The following DPP10 variants were observed in gnomAD, a reference collection of about 807,000 sequenced individuals.
DPP10 encodes dipeptidyl peptidase like 10.
In DPP10, 33 loss-of-function variants were observed where a neutral mutation model predicts 120.9. The observed-to-expected ratio is 0.27, with a 90% CI of 0.21 to 0.37. DPP10 has a LOEUF of 0.37. Ranked by LOEUF, DPP10 falls within the 10% of genes least tolerant of loss-of-function variation. DPP10 has a pLI of 1.00. For missense variants in DPP10, 816 were observed against 942.8 expected (o/e 0.87, Z 1.76); for synonymous variants, 337 against 326.1 (o/e 1.03, Z -0.36).
chr2:114,849,846 C>T (rs1367353095), intron 1 of DPP10, among the ~76,000 whole-genome samples: 1 of 152,042 alleles, frequency 6.6e-6, no homozygotes, highest in Non-Finnish European at 1.5e-5. Flanking sequence ...ACAATTTTTG[C>T]CTTACCACAC....
chr2:114,448,517 C>T (rs948830179), intron 1 of DPP10, among the ~76,000 whole-genome samples: 1 of 152,126 alleles, frequency 6.6e-6, no homozygotes, highest in Non-Finnish European at 1.5e-5. Context: ...ATCAGCATCT[C>T]CTGTGAACTC....
At chr2:114,504,551 C>T (rs932781646) in intron 1 of DPP10, among the ~76,000 whole-genome samples, 2 of 151,954 alleles carry the variant, frequency 1.3e-5, no homozygotes, top group African/African-American at 4.8e-5. Flanking sequence ...CCTCTTCTTC[C>T]TCCTTTTTAT....
Position 115,510,035 on chromosome 2 carries a change from C to T in DPP10, c.366+10431C>T, listed in dbSNP as rs926241420. ...AGAAATGTCTGTTCAAATTCTTTGCCCATTTTTTATTGAGCTCTTTTCAAT... is the reference window on the plus strand; with the variant it reads ...AGAAATGTCTGTTCAAATTCTTTGCTCATTTTTTATTGAGCTCTTTTCAAT... On this transcript the variant is annotated intron_variant, in intron 4 of 25. Coordinates refer to ENST00000410059, the MANE Select transcript of DPP10 (RefSeq NM_020868.6). 2.0e-5 allele frequency among the ~76,000 whole-genome samples: 3 copies of T among 151,828 alleles called. No individual in the cohort carries two copies. The South Asian group carries it at 6.2e-4, about 32-fold the overall frequency.
chr2:115,778,328 G>T (rs551569120), intron 15 of DPP10, among the ~76,000 whole-genome samples: 21 of 151,922 alleles, frequency 1.4e-4, no homozygotes, highest in Non-Finnish European at 2.6e-4. Context: ...GCAGGAGGAG[G>T]CATCCTTATT....
intron 1 of DPP10, among the ~76,000 whole-genome samples, chr2:115,221,240 A>G (rs1031829061): frequency 1.3e-5 from 2 of 152,138 alleles, no homozygotes; most frequent in Non-Finnish European, 2.9e-5. Flanking sequence ...ATTCATGCAT[A>G]GATGTATTGA....
At chr2:114,672,955 C>T (rs1041565263) in intron 1 of DPP10, among the ~76,000 whole-genome samples, 1 of 152,132 alleles carries the variant, frequency 6.6e-6, no homozygotes, top group African/African-American at 2.4e-5. Flanking sequence ...GTGTCTCCCC[C>T]ATGTTCTAAG....
intron 1 of DPP10, among the ~76,000 whole-genome samples, chr2:115,288,695 C>T (rs1482609417): frequency 6.6e-6 from 1 of 151,896 alleles, no homozygotes; most frequent in Non-Finnish European, 1.5e-5. Flanking sequence ...GCACTCCATC[C>T]TTAGTGACAA....
At chr2:114,846,668 C>T (rs1419892006) in intron 1 of DPP10, among the ~76,000 whole-genome samples, 1 of 152,010 alleles carries the variant, frequency 6.6e-6, no homozygotes, top group Non-Finnish European at 1.5e-5. Flanking sequence ...AAGAATCTGA[C>T]TGTAGCTGAC....
rs550100167 is a variant in DPP10 at position 114,480,601 on chromosome 2, G to C, written c.60+37763G>C. On this transcript the variant is annotated intron_variant, in intron 1 of 25. Coordinates refer to ENST00000410059, the MANE Select transcript of DPP10 (RefSeq NM_020868.6). ...AAACCATCATTCTCAGCAAACTATC[G>C]CAAGGACAAAAAACCAAACACCACA... Among the ~76,000 whole-genome samples the C allele has an allele frequency of 4.0e-5, 6 of 150,242 alleles. No homozygotes were observed. In the East Asian group the frequency reaches 7.9e-4, roughly 20 times the overall value.
At position 115,746,127 on chromosome 2, in the gene DPP10, C is replaced by T; in HGVS notation, c.894C>T (p.Asn298=). ...CAACAATAAAATTATATGTTGTAAACCTGTATGGACCAACTCACACTTTGG... is the reference window on the plus strand; with the variant it reads ...CAACAATAAAATTATATGTTGTAAATCTGTATGGACCAACTCACACTTTGG... ...VNPTIKLYVV[N]LYGPTHTLEL... The change falls in exon 10 of 26, where the codon AAC becomes AAT. Residue 298 remains asparagine (N), a synonymous_variant. Coordinates refer to ENST00000410059, the MANE Select transcript of DPP10 (RefSeq NM_020868.6). 1.9e-6 allele frequency: 3 copies of T among 1,612,116 alleles called. No individual in the cohort carries two copies. Among genetic ancestry groups the T allele is most frequent in the Non-Finnish European group, 2.5e-6 (3 of 1,179,414 alleles).
chr2:114,874,994 A>G (rs1355543952), intron 1 of DPP10, among the ~76,000 whole-genome samples: 3 of 152,150 alleles, frequency 2.0e-5, no homozygotes, highest in Non-Finnish European at 4.4e-5. Context: ...CCTCTTTATG[A>G]AACAACAATG....
chr2:115,152,807 A>G (rs1411764194), intron 1 of DPP10, among the ~76,000 whole-genome samples: 1 of 152,210 alleles, frequency 6.6e-6, no homozygotes, highest in African/African-American at 2.4e-5. Flanking sequence ...TGCTAAGAAC[A>G]ACGAAACAGC....
intron 1 of DPP10, among the ~76,000 whole-genome samples, chr2:114,469,578 A>T (rs1212996470): frequency 2.0e-5 from 3 of 151,998 alleles, no homozygotes; most frequent in Non-Finnish European, 2.9e-5. Flanking sequence ...AAATACAAAA[A>T]TTAGCTGGGA....
intron 1 of DPP10, among the ~76,000 whole-genome samples, chr2:115,076,842 T>C (rs146935045): frequency 6.6e-6 from 1 of 152,376 alleles, no homozygotes; most frequent in Non-Finnish European, 1.5e-5. Context: ...CTTGTGTTCA[T>C]ATGTGAGAGT....
chr2:115,047,211 T>A (rs879204873), intron 1 of DPP10, among the ~76,000 whole-genome samples: 10 of 152,080 alleles, frequency 6.6e-5, no homozygotes, highest in Non-Finnish European at 1.3e-4. Flanking sequence ...AATAGACAAC[T>A]CATGCTGAGA....
chr2:114,948,446 T>C (rs921351460), intron 1 of DPP10, among the ~76,000 whole-genome samples: 4 of 152,214 alleles, frequency 2.6e-5, no homozygotes, highest in African/African-American at 9.6e-5. Flanking sequence ...CTGTCTTGAA[T>C]TGTTGTCCTA....
chr2:115,496,716 C>T (rs987311147), intron 3 of DPP10, among the ~76,000 whole-genome samples: 1 of 152,102 alleles, frequency 6.6e-6, no homozygotes, highest in Non-Finnish European at 1.5e-5. Context: ...TGCTTGTGTA[C>T]TCACCCAATG....
At chr2:115,308,533 T>C (rs1354332687) in intron 1 of DPP10, among the ~76,000 whole-genome samples, 4 of 152,066 alleles carry the variant, frequency 2.6e-5, no homozygotes, top group Non-Finnish European at 4.4e-5. Flanking sequence ...CACAGATCAT[T>C]GGAGGAATGA....
At chr2:115,735,998 C>T (rs72828559) in intron 8 of DPP10, among the ~76,000 whole-genome samples, 156 of 152,190 alleles carry the variant, frequency 1.0e-3, no homozygotes, top group Non-Finnish European at 2.0e-3. Flanking sequence ...CATCATCAGA[C>T]CCAGCTTAGT....
Sources: allele counts gnomAD v4.1 joint callset (sites outside exome capture counted in the v4.1 genomes callset), GRCh38; gene constraint gnomAD v4.1.1; transcripts MANE v1.5; gene names NCBI Gene and HGNC (gene_info 2026-07-23, HGNC 2026-07-21).